The following CTNNA3 variants were observed in gnomAD, a reference collection of about 807,000 sequenced individuals.
CTNNA3 encodes the protein catenin alpha 3, also known as catenin alpha-3.
CTNNA3 carries 76 observed loss-of-function variants against 95.7 expected under a neutral mutation model. The ratio of observed to expected loss-of-function variants is 0.79; its 90% confidence interval spans 0.66 to 0.96. The LOEUF (loss-of-function observed/expected upper bound fraction) is 0.96, where lower values mean the gene tolerates loss of function less well. Among genes scored for constraint, CTNNA3 ranks in the 40% least tolerant of loss-of-function variants. The pLI is 0.00. For missense variants in CTNNA3, 1,191 were observed against 1,089.8 expected, an observed-to-expected ratio of 1.09 and a Z score of -1.31; for synonymous variants, 431 against 374.4, an observed-to-expected ratio of 1.15 and a Z score of -1.74.
chr10:67,475,112 T>C (rs1847958022), intron 5 of CTNNA3, among the ~76,000 whole-genome samples: 1 of 152,172 alleles, frequency 6.6e-6, no homozygotes, highest in Non-Finnish European at 1.5e-5. Flanking sequence ...AAACTACTGA[T>C]ACAAACAACT....
chr10:67,198,619 T>C (rs1176982221), intron 6 of CTNNA3, among the ~76,000 whole-genome samples: 8 of 152,210 alleles, frequency 5.3e-5, no homozygotes, highest in Admixed American at 5.2e-4. Flanking sequence ...CTCTGTTTTA[T>C]ATCCTTCTCT....
intron 13 of CTNNA3, among the ~76,000 whole-genome samples, chr10:66,142,898 G>T (rs1189668328): frequency 1.3e-5 from 2 of 152,042 alleles, no homozygotes; most frequent in African/African-American, 2.4e-5. Flanking sequence ...AGGAAGAAAA[G>T]TTAAAAGGAT....
chr10:66,397,080 A>G (rs1342014982), intron 11 of CTNNA3, among the ~76,000 whole-genome samples: 1 of 151,728 alleles, frequency 6.6e-6, no homozygotes, highest in Non-Finnish European at 1.5e-5. Context: ...GCATATAATT[A>G]CATACATTTT....
chr10:67,580,433 C>T lies in CTNNA3; in HGVS notation c.292+26424G>A, dbSNP rs540855088. Among the ~76,000 whole-genome samples, 3 of 151,596 alleles carry T rather than the reference C, an allele frequency of 2.0e-5. No individual in the cohort carries two copies. In the South Asian group the frequency reaches 6.2e-4, roughly 32 times the overall value. On this transcript the variant is annotated intron_variant, in intron 3 of 17. Coordinates refer to ENST00000433211, the MANE Select transcript of CTNNA3 (RefSeq NM_013266.4). ...TTGGTTGATATCCCTGTTTTGGTAC[C>T]AGTACCATGCTGTTTTGGTTACTGT... is the stretch of plus-strand genomic sequence containing the variant.
chr10:66,746,047 C>T (rs1838857103), intron 9 of CTNNA3, among the ~76,000 whole-genome samples: 1 of 152,102 alleles, frequency 6.6e-6, no homozygotes, highest in Non-Finnish European at 1.5e-5. Context: ...CACCAACTAA[C>T]TATATGCCAT....
intron 7 of CTNNA3, chr10:66,928,587 C>T (rs1050649886): frequency 2.6e-6 from 2 of 775,322 alleles, no homozygotes; most frequent in African/African-American, 3.5e-5. Context: ...TGGCAAGATC[C>T]TTCCTTGTCC....
chr10:66,003,698 C>A (rs945888337), intron 15 of CTNNA3, among the ~76,000 whole-genome samples: 2 of 152,126 alleles, frequency 1.3e-5, no homozygotes, highest in Non-Finnish European at 2.9e-5. Flanking sequence ...TTCTCCAGGA[C>A]TTTATAAGTC....
intron 10 of CTNNA3, among the ~76,000 whole-genome samples, chr10:66,608,890 A>G (rs1564565951): frequency 6.6e-6 from 1 of 152,184 alleles, no homozygotes; most frequent in Non-Finnish European, 1.5e-5. Flanking sequence ...CAAAGATTTC[A>G]TGACAAAGAC....
At chr10:67,417,043 C>G (rs189267419) in intron 5 of CTNNA3, among the ~76,000 whole-genome samples, 1 of 152,058 alleles carries the variant, frequency 6.6e-6, no homozygotes, top group Non-Finnish European at 1.5e-5. Flanking sequence ...TAGAATCAAC[C>G]CAGGTGCCCA....
chr10:66,520,515 G>T (rs1034908127), intron 11 of CTNNA3, 102 bp downstream of exon 11: 1 of 1,040,914 alleles, frequency 9.6e-7, no homozygotes, highest in South Asian at 1.8e-5. Context: ...GCTTCCCAAA[G>T]TGTTGGCATT....
intron 10 of CTNNA3, among the ~76,000 whole-genome samples, chr10:66,538,311 G>A (rs1054555442): frequency 1.3e-5 from 2 of 152,208 alleles, no homozygotes; most frequent in East Asian, 3.9e-4. Context: ...GCATTTTCAG[G>A]TGGTGGTTTC....
chr10:66,960,073 A>T (rs1357058376), intron 7 of CTNNA3, among the ~76,000 whole-genome samples: 2 of 151,540 alleles, frequency 1.3e-5, no homozygotes, highest in African/African-American at 2.4e-5. Context: ...GCTATTTGAA[A>T]TTTTTTTTTC....
chr10:66,698,892 A>C (rs1847852832), intron 9 of CTNNA3, among the ~76,000 whole-genome samples: 2 of 152,214 alleles, frequency 1.3e-5, no homozygotes, highest in African/African-American at 2.4e-5. Flanking sequence ...ATATCAAGAT[A>C]TGAGGACACT....
chr10:66,606,175 A>T (rs1844113934), intron 10 of CTNNA3, among the ~76,000 whole-genome samples: 1 of 152,196 alleles, frequency 6.6e-6, no homozygotes, highest in Non-Finnish European at 1.5e-5. Flanking sequence ...AAAGACAAAG[A>T]AGGACATTAT....
At chr10:67,630,006 A>G (rs1225523468) in intron 2 of CTNNA3, among the ~76,000 whole-genome samples, 4 of 152,208 alleles carry the variant, frequency 2.6e-5, no homozygotes, top group Admixed American at 6.5e-5. Context: ...GGACCAATTC[A>G]TAATCATCCC....
intron 5 of CTNNA3, among the ~76,000 whole-genome samples, chr10:67,504,102 A>AGCCGAGATCACGCCACTGCACTCC (rs1359848981): frequency 2.8e-4 from 42 of 150,300 alleles, no homozygotes; most frequent in African/African-American, 9.8e-4. Context: ...GCTTGCAGTG[A>AGCCGAGATCACGCCACTGCACTCC]GCCGAGATCA....
intron 1 of CTNNA3, among the ~76,000 whole-genome samples, chr10:67,728,483 CAG>C (rs1841257134): frequency 1.3e-5 from 2 of 150,570 alleles, no homozygotes; most frequent in South Asian, 4.2e-4. Context: ...TTTTTTGAGA[CAG>C]AGTCTCGCTC....
At chr10:67,022,372 G>A (rs1853076642) in intron 7 of CTNNA3, among the ~76,000 whole-genome samples, 1 of 152,066 alleles carries the variant, frequency 6.6e-6, no homozygotes, top group African/African-American at 2.4e-5. Flanking sequence ...TTCTATGAAG[G>A]AACAAGTTAT....
intron 11 of CTNNA3, among the ~76,000 whole-genome samples, chr10:66,445,532 C>A (rs916838224): frequency 6.6e-6 from 1 of 152,118 alleles, no homozygotes; most frequent in African/African-American, 2.4e-5. Context: ...CTCAAAACTG[C>A]TCAACTACAT....
Sources: gnomAD v4.1 joint callset for allele counts (sites outside exome capture counted in the v4.1 genomes callset) on GRCh38, gnomAD v4.1.1 for gene constraint, MANE v1.5 for transcripts, NCBI Gene and HGNC (gene_info 2026-07-23, HGNC 2026-07-21) for gene names.